The following ANKS1B variants were observed in gnomAD, a reference collection of about 807,000 sequenced individuals.
ANKS1B encodes the protein ankyrin repeat and sterile alpha motif domain-containing protein 1B.
A neutral mutation model predicts 148.3 loss-of-function variants in ANKS1B; 36 were observed. The ratio of observed to expected loss-of-function variants is 0.24; its 90% confidence interval spans 0.19 to 0.32. The LOEUF (loss-of-function observed/expected upper bound fraction) is 0.32, where lower values mean the gene tolerates loss of function less well. Among genes scored for constraint, ANKS1B ranks in the 10% least tolerant of loss-of-function variants. The probability of loss-of-function intolerance (pLI) is 1.00; values close to 1 mark genes in which losing one functional copy is unlikely to be tolerated. For missense variants in ANKS1B, 1,157 were observed against 1,542.6 expected, an observed-to-expected ratio of 0.75 and a Z score of 4.19; for synonymous variants, 542 against 560.8, an observed-to-expected ratio of 0.97 and a Z score of 0.47.
At chr12:98,847,895 C>T (rs1471882352) in intron 17 of ANKS1B, among the ~76,000 whole-genome samples, 1 of 152,144 alleles carries the variant, frequency 6.6e-6, no homozygotes, top group Non-Finnish European at 1.5e-5. Flanking sequence ...TGCGCCTGGC[C>T]AAGATCCTAA....
intron 10 of ANKS1B, among the ~76,000 whole-genome samples, chr12:99,491,172 G>T (rs946100023): frequency 1.3e-5 from 2 of 152,124 alleles, no homozygotes; most frequent in African/African-American, 4.8e-5. Context: ...GGGCGCAGTG[G>T]TGGGTGCCTG....
intron 14 of ANKS1B, among the ~76,000 whole-genome samples, chr12:99,228,432 GATTT>G (rs1188345716): frequency 6.6e-6 from 1 of 151,654 alleles, no homozygotes; most frequent in Non-Finnish European, 1.5e-5. Flanking sequence ...TATCTATATT[GATTT>G]ATTTATCTTC....
intron 12 of ANKS1B, among the ~76,000 whole-genome samples, chr12:99,290,121 G>C (rs2079732941): frequency 6.6e-6 from 1 of 151,858 alleles, no homozygotes; most frequent in Non-Finnish European, 1.5e-5. Context: ...ATGATCGTTA[G>C]AGAATTCTAT....
intron 12 of ANKS1B, among the ~76,000 whole-genome samples, chr12:99,354,930 T>C (rs1422234157): frequency 6.6e-6 from 1 of 152,052 alleles, no homozygotes; most frequent in Admixed American, 6.6e-5. Context: ...CAGCTCTTAG[T>C]ACAGTAGCTT....
chr12:99,929,491 T>C (rs926013824), intron 1 of ANKS1B, among the ~76,000 whole-genome samples: 6 of 152,266 alleles, frequency 3.9e-5, no homozygotes, highest in Admixed American at 2.6e-4. Context: ...TGCAGAAGCT[T>C]TTTAGTTTAA....
chr12:99,195,969 T>G (rs1418772208), intron 14 of ANKS1B, among the ~76,000 whole-genome samples: 1 of 152,086 alleles, frequency 6.6e-6, no homozygotes, highest in Non-Finnish European at 1.5e-5. Context: ...GGATTCACCA[T>G]CCACATATAA....
intron 8 of ANKS1B, among the ~76,000 whole-genome samples, chr12:99,748,631 G>A (rs1010077486): frequency 1.3e-5 from 2 of 151,924 alleles, no homozygotes; most frequent in African/African-American, 4.8e-5. Context: ...CTGCTCTCAA[G>A]TTTACATTCT....
At chr12:99,080,844 G>GA (rs1194675213) in intron 16 of ANKS1B, among the ~76,000 whole-genome samples, 1 of 152,056 alleles carries the variant, frequency 6.6e-6, no homozygotes, top group Non-Finnish European at 1.5e-5. Flanking sequence ...TAGGACAGTA[G>GA]AAAAAAAGCC....
At chr12:99,829,520 G>A (rs2083654340) in intron 1 of ANKS1B, among the ~76,000 whole-genome samples, 1 of 152,088 alleles carries the variant, frequency 6.6e-6, no homozygotes, top group Non-Finnish European at 1.5e-5. Context: ...GCATGGTAGC[G>A]GGTGCCTGTA....
chr12:99,051,138 A>G (rs765296257), intron 17 of ANKS1B, among the ~76,000 whole-genome samples: 21 of 152,200 alleles, frequency 1.4e-4, no homozygotes, highest in Non-Finnish European at 2.9e-4. Context: ...GGCTGCAGTC[A>G]CTAAACAAGG....
chr12:99,254,010 AG>A (rs1484693503), intron 12 of ANKS1B, among the ~76,000 whole-genome samples: 1 of 152,232 alleles, frequency 6.6e-6, no homozygotes, highest in East Asian at 1.9e-4. Flanking sequence ...AGAAGTGTCA[AG>A]GTCATGAAAG....
chr12:99,364,321 G>A (rs2092653729), intron 12 of ANKS1B, among the ~76,000 whole-genome samples: 1 of 152,074 alleles, frequency 6.6e-6, no homozygotes, highest in Admixed American at 6.5e-5. Flanking sequence ...TGCACATGAA[G>A]ATTCTTTGTA....
intron 8 of ANKS1B, among the ~76,000 whole-genome samples, chr12:99,689,078 C>G (rs567517141): frequency 6.6e-6 from 1 of 152,212 alleles, no homozygotes; most frequent in South Asian, 2.1e-4. Context: ...ATTCACAATC[C>G]TCTACTTCCT....
At chr12:99,405,536 A>G (rs2094511091) in intron 11 of ANKS1B, among the ~76,000 whole-genome samples, 1 of 145,676 alleles carries the variant, frequency 6.9e-6, no homozygotes, top group African/African-American at 2.6e-5. Flanking sequence ...TAAAAATCCT[A>G]CAATAGATAC....
intron 12 of ANKS1B, among the ~76,000 whole-genome samples, chr12:99,372,528 T>G (rs2093192971): frequency 6.6e-6 from 1 of 152,146 alleles, no homozygotes; most frequent in South Asian, 2.1e-4. Flanking sequence ...TTTTTAAAAT[T>G]CCTTTCTTTG....
At chr12:99,106,503 C>G (rs1600142077) in intron 15 of ANKS1B, among the ~76,000 whole-genome samples, 2 of 152,276 alleles carry the variant, frequency 1.3e-5, no homozygotes, top group South Asian at 4.1e-4. Flanking sequence ...TATACTCATA[C>G]AACAGAAATA....
intron 12 of ANKS1B, among the ~76,000 whole-genome samples, chr12:99,265,516 A>C (rs1411681109): frequency 6.6e-6 from 1 of 152,138 alleles, no homozygotes; most frequent in Non-Finnish European, 1.5e-5. Context: ...ACATTAAGAG[A>C]TGAGAACCAC....
chr12:99,690,582 C>A (rs1334581260), intron 8 of ANKS1B, among the ~76,000 whole-genome samples: 2 of 152,138 alleles, frequency 1.3e-5, no homozygotes, highest in Non-Finnish European at 2.9e-5. Context: ...TCCAATGGGG[C>A]AATCAAATCT....
At chr12:99,463,427 AGACAGTGGGTGCAG>A (rs945848771) in intron 10 of ANKS1B, among the ~76,000 whole-genome samples, 9 of 152,192 alleles carry the variant, frequency 5.9e-5, no homozygotes, top group Admixed American at 2.0e-4. Context: ...AGGGAGTGCC[AGACAGTGGGTGCAG>A]GACAGTGGGT....
Sources: allele counts gnomAD v4.1 joint callset (sites outside exome capture counted in the v4.1 genomes callset), GRCh38; gene constraint gnomAD v4.1.1; transcripts MANE v1.5; gene names NCBI Gene and HGNC (gene_info 2026-07-23, HGNC 2026-07-21).